Variants in POLR2B observed in about 807,000 individuals in gnomAD.
POLR2B encodes RNA polymerase II subunit B, also known as DNA-directed RNA polymerase II subunit RPB2.
POLR2B carries 57 observed loss-of-function variants against 144.6 expected under a neutral mutation model. The observed-to-expected ratio is 0.39, with a 90% CI of 0.32 to 0.49. The LOEUF is 0.49. Among genes scored for constraint, POLR2B ranks in the 20% least tolerant of loss-of-function variants. The pLI is 0.83. For missense variants in POLR2B, 595 were observed against 1,467.4 expected (o/e 0.41, Z 9.71); for synonymous variants, 442 against 469.8 (o/e 0.94, Z 0.77).
intron 6 of POLR2B, among the ~76,000 whole-genome samples, chr4:56,999,212 C>CTTTTTTTTTTTTTTTTTTTTTTT (rs34081589): frequency 8.0e-6 from 1 of 124,794 alleles, no homozygotes. Flanking sequence ...TGTATTGTCT[C>CTTTTTTTTTTTTTTTTTTTTTTT]TTTTTTTTTT....
rs1723172771 is a variant in POLR2B, at chr4:57,011,036, A to T, written c.1736A>T (p.Asp579Val). The change falls in exon 13 of 25, where the codon GAT becomes GTT. Residue 579 changes from aspartate (D) to valine (V), a missense_variant. This residue lies in a region of POLR2B where 29 missense variants were observed against 69.3 expected (regional missense o/e 0.42). Transcript: ENST00000314595. ...GGCTGCTGGGTTGGAATACATAAAG[A>T]TCCCGAACAACTTATGAACACCCTA... Reference protein sequence around the residue: ...VNGCWVGIHKDPEQLMNTLRK... With the variant: ...VNGCWVGIHKVPEQLMNTLRK... 1 of 1,614,040 alleles carries T rather than the reference A, an allele frequency of 6.2e-7. No homozygotes were observed. The highest frequency in any genetic ancestry group is 1.7e-5 in the Admixed American group (1 of 60,006).
At position 56,978,896 on chromosome 4, in the gene POLR2B, A is replaced by T; in HGVS notation, c.-90A>T. ...TCTGGGAACGTCGGAGACGGAAGTT[A>T]CTTCGTCTTTAGCTCCTGGCGCTGC... On this transcript the variant is annotated 5_prime_UTR_variant, in exon 1 of 25. Transcript: ENST00000314595. 1.6e-6 allele frequency: 2 copies of T among 1,241,696 alleles called. No individual in the cohort carries two copies. The highest frequency in any genetic ancestry group is 2.4e-6 in the Non-Finnish European group (2 of 840,438). The allele number at this position is 1,241,696 out of a possible 1,614,324, so 76.9% of individuals were successfully genotyped here. A position where few individuals can be genotyped will look rare whatever the true frequency, so the allele number is the denominator to read the frequency against.
At chr4:57,001,752 A>T (rs1233105618) in intron 7 of POLR2B, among the ~76,000 whole-genome samples, 1 of 152,144 alleles carries the variant, frequency 6.6e-6, no homozygotes, top group African/African-American at 2.4e-5. Flanking sequence ...GGAACCTTTT[A>T]TGGGAAGGAT....
intron 3 of POLR2B, 72 bp downstream of exon 3, chr4:56,990,970 G>T (rs572003913): frequency 1.5e-5 from 20 of 1,320,276 alleles, no homozygotes; most frequent in Non-Finnish European, 1.8e-5. Flanking sequence ...TCTCTTACCT[G>T]GCTTAAAGGT....
chr4:57,031,021 AT>A lies in POLR2B; in HGVS notation c.*34del. On this transcript the variant is annotated 3_prime_UTR_variant, in exon 25 of 25. Transcript: ENST00000314595. Reference sequence around the variant, plus strand: ...ACAGGAGTCAACAAGATAATTAAATATCTTGGTGTCTTGTTTCTATTGTGTG... The same window carrying A: ...ACAGGAGTCAACAAGATAATTAAATACTTGGTGTCTTGTTTCTATTGTGTG... 8.1e-7 allele frequency: 1 copy of A among 1,240,576 alleles called. No individual in the cohort carries two copies. Among genetic ancestry groups the A allele is most frequent in the South Asian group, 1.2e-5 (1 of 83,412 alleles). The allele number at this position is 1,240,576 out of a possible 1,614,324, so 76.8% of individuals were successfully genotyped here.
Position 57,021,008 on chromosome 4 carries a change from T to G in POLR2B, c.2420+13T>G. 1 of 1,438,058 alleles carries G rather than the reference T, an allele frequency of 7.0e-7. No homozygotes were observed. The highest frequency in any genetic ancestry group is 9.8e-7 in the Non-Finnish European group (1 of 1,020,440). 89.1% of individuals were successfully genotyped at this position (1,438,058 alleles called of 1,614,324 possible). A position where few individuals can be genotyped will look rare whatever the true frequency, so the allele number is the denominator to read the frequency against. Reference sequence around the variant, plus strand: ...GCGGCTTCTTCAGGTTAGTATTTTGTAAATTTGTCAAAACACAGATACAGT... The same window carrying G: ...GCGGCTTCTTCAGGTTAGTATTTTGGAAATTTGTCAAAACACAGATACAGT... On this transcript the variant is annotated intron_variant, in intron 17 of 24. Coordinates refer to ENST00000314595, the MANE Select transcript of POLR2B (RefSeq NM_000938.3).
At chr4:57,014,792 C>T (rs964602153) in intron 13 of POLR2B, among the ~76,000 whole-genome samples, 1 of 152,094 alleles carries the variant, frequency 6.6e-6, no homozygotes, top group Admixed American at 6.6e-5. Context: ...CTTGAGCCAC[C>T]GTGCCTGGTC....
intron 1 of POLR2B, among the ~76,000 whole-genome samples, chr4:56,981,052 C>A (rs1360563739): frequency 3.9e-5 from 6 of 152,132 alleles, no homozygotes; most frequent in African/African-American, 1.2e-4. Flanking sequence ...ATTCACCTGC[C>A]TCGGCCTCCG....
chr4:56,985,802 A>G (rs1189562132), intron 1 of POLR2B, among the ~76,000 whole-genome samples: 1 of 152,192 alleles, frequency 6.6e-6, no homozygotes, highest in Non-Finnish European at 1.5e-5. Flanking sequence ...GCATTGCTTC[A>G]GCTGCATTCT....
At chr4:57,002,715 A>G (rs1277889247) in intron 7 of POLR2B, 2 of 152,088 alleles carry the variant, frequency 1.3e-5, no homozygotes, top group Non-Finnish European at 2.9e-5. Flanking sequence ...TAGCACATAT[A>G]CTAATACTGG....
chr4:57,028,058 C>CT (rs1311154188), intron 23 of POLR2B, among the ~76,000 whole-genome samples: 1 of 152,116 alleles, frequency 6.6e-6, no homozygotes, highest in Non-Finnish European at 1.5e-5. Context: ...GCTTTCATTT[C>CT]TTTTTGTTCA....
intron 7 of POLR2B, among the ~76,000 whole-genome samples, chr4:57,003,212 A>G (rs1422134368): frequency 6.6e-6 from 1 of 151,810 alleles, no homozygotes; most frequent in African/African-American, 2.4e-5. Flanking sequence ...CGGGCAGATC[A>G]CGAGGTCAGG....
At position 56,978,938 on chromosome 4, in the gene POLR2B, T is replaced by G; in HGVS notation, c.-48T>G. ...TGGCGCTGCTGGCTTCTGGGCGGTT[T>G]TTGTCTTTTGATTTCAAGAGTTAGG... On this transcript the variant is annotated 5_prime_UTR_variant, in exon 1 of 25. Coordinates refer to ENST00000314595, the MANE Select transcript of POLR2B (RefSeq NM_000938.3). 1 of 1,604,130 alleles carries G rather than the reference T, an allele frequency of 6.2e-7. No individual in the cohort carries two copies. Among genetic ancestry groups the G allele is most frequent in the South Asian group, 1.1e-5 (1 of 90,874 alleles).
chr4:56,996,206 A>ATGTGTGTGTGTG (rs59059584), intron 6 of POLR2B, among the ~76,000 whole-genome samples: 4,026 of 115,152 alleles, frequency 0.035, 216 homozygotes, highest in Admixed American at 0.13. Flanking sequence ...ATTTCAGTTC[A>ATGTGTGTGTGTG]TGTGTGTGTG....
At chr4:56,996,404 C>T (rs1041343461) in intron 6 of POLR2B, among the ~76,000 whole-genome samples, 7 of 150,088 alleles carry the variant, frequency 4.7e-5, no homozygotes, top group African/African-American at 1.7e-4. Context: ...CCTCAGCCTC[C>T]CGAGTAGCTG....
chr4:56,985,795 T>C (rs1722306140), intron 1 of POLR2B, among the ~76,000 whole-genome samples: 1 of 152,186 alleles, frequency 6.6e-6, no homozygotes, highest in African/African-American at 2.4e-5. Flanking sequence ...TCATGCAGCA[T>C]TGCTTCAGCT....
intron 7 of POLR2B, among the ~76,000 whole-genome samples, chr4:57,001,929 A>G (rs532415599): frequency 6.6e-6 from 1 of 152,334 alleles, no homozygotes; most frequent in African/African-American, 2.4e-5. Flanking sequence ...CAAAGTTAGA[A>G]CAGGGAGTAT....
intron 11 of POLR2B, 77 bp downstream of exon 11, chr4:57,010,581 A>G: frequency 6.9e-7 from 1 of 1,458,610 alleles, no homozygotes; most frequent in South Asian, 1.3e-5. Context: ...TTAGAAATAG[A>G]TGTTTGAAAA....
intron 23 of POLR2B, 137 bp from the exon 24 acceptor site, chr4:57,030,067 T>C (rs983370846): frequency 1.4e-6 from 1 of 719,034 alleles, no homozygotes; most frequent in South Asian, 1.8e-5. Flanking sequence ...TCCCCACCAA[T>C]AGAGAGAATG....
Sources: allele counts gnomAD v4.1 joint callset (sites outside exome capture counted in the v4.1 genomes callset), GRCh38; gene constraint gnomAD v4.1.1; regional missense constraint gnomAD v4.1.1; transcripts MANE v1.5; gene names NCBI Gene and HGNC (gene_info 2026-07-23, HGNC 2026-07-21).